The following ATP6V1H variants were observed in gnomAD, a reference collection of about 807,000 sequenced individuals.
ATP6V1H encodes V-type proton ATPase subunit H.
ATP6V1H carries 39 observed loss-of-function variants against 71.7 expected under a neutral mutation model. The ratio of observed to expected loss-of-function variants is 0.54; its 90% CI spans 0.42 to 0.71. ATP6V1H has a LOEUF of 0.71. ATP6V1H is among the 30% of genes least tolerant of loss of function. The pLI is 0.00. For missense variants in ATP6V1H, 509 were observed against 594.9 expected, an observed-to-expected ratio of 0.86 and a Z score of 1.50; for synonymous variants, 192 against 199.3, an observed-to-expected ratio of 0.96 and a Z score of 0.31.
chr8:53,804,423 C>T (rs565922503), intron 7 of ATP6V1H, among the ~76,000 whole-genome samples: 1 of 152,148 alleles, frequency 6.6e-6, no homozygotes, highest in Non-Finnish European at 1.5e-5. Context: ...ACCTGTAACC[C>T]CAGCACTTTC....
intron 2 of ATP6V1H, 75 bp from the exon 3 acceptor site, chr8:53,833,161 C>A: frequency 8.6e-7 from 1 of 1,157,558 alleles, no homozygotes. Context: ...ATTTTCAGTC[C>A]TTCTCTTCTC....
rs190027760 is a variant in ATP6V1H at position 53,802,550 on chromosome 8, A to C, written c.580-654T>G. 2.2e-3 allele frequency among the ~76,000 whole-genome samples: 338 copies of C among 151,852 alleles called. 2 individuals are homozygous for C. The highest frequency in any genetic ancestry group is 7.9e-3 in the African/African-American group (326 of 41,406). The stretch of plus-strand genomic sequence containing the variant: ...CCCGGGCAACCTGGTGAAACCCCAT[A>C]TCTACTAAAAATACAAAAAATTAGC... On this transcript the variant is annotated intron_variant, in intron 7 of 13. Transcript: ENST00000359530.
intron 6 of ATP6V1H, among the ~76,000 whole-genome samples, chr8:53,813,583 C>T (rs1331008081): frequency 1.3e-5 from 2 of 152,108 alleles, no homozygotes; most frequent in Admixed American, 6.5e-5. Flanking sequence ...CTCCCCTGTC[C>T]ACCTTCAGTT....
In ATP6V1H at chr8:53,730,041, T is replaced by C. The variant is rs75449307; in HGVS notation, c.1391+13536A>G. ...AGCTCAGCCTATGCCTCTAGAGCAA[T>C]CATGACAGGGTCTTGGGCAGGAAAA... On this transcript the variant is annotated intron_variant, in intron 13 of 13. Coordinates refer to ENST00000359530, the MANE Select transcript of ATP6V1H (RefSeq NM_015941.4). 4.1e-3 allele frequency among the ~76,000 whole-genome samples: 619 copies of C among 152,268 alleles called. 12 individuals carry two copies. The East Asian group carries it at 0.059, about 15-fold the overall frequency.
intron 13 of ATP6V1H, among the ~76,000 whole-genome samples, chr8:53,733,753 C>T (rs1022123853): frequency 1.3e-5 from 2 of 152,130 alleles, no homozygotes; most frequent in African/African-American, 4.8e-5. Context: ...TACCAAGTCA[C>T]AAAGGGAGGC....
chr8:53,810,310 TC>T (rs1345725936), intron 7 of ATP6V1H, among the ~76,000 whole-genome samples: 1 of 152,236 alleles, frequency 6.6e-6, no homozygotes, highest in African/African-American at 2.4e-5. Flanking sequence ...CCTGAGCTAT[TC>T]CTAGAGCACA....
intron 13 of ATP6V1H, among the ~76,000 whole-genome samples, chr8:53,737,321 C>A (rs1349663857): frequency 6.6e-6 from 1 of 152,218 alleles, no homozygotes; most frequent in African/African-American, 2.4e-5. Flanking sequence ...GTATTCCTGT[C>A]TGTAATTAGA....
chr8:53,811,252 G>C (rs1810265908), intron 6 of ATP6V1H, 35 bp from the exon 7 acceptor site: 2 of 1,590,856 alleles, frequency 1.3e-6, no homozygotes, highest in Non-Finnish European at 1.7e-6. Flanking sequence ...ATTTAGTTTT[G>C]TTTTGATTTT....
chr8:53,781,542 T>C (rs975670698), intron 9 of ATP6V1H, among the ~76,000 whole-genome samples: 1 of 152,266 alleles, frequency 6.6e-6, no homozygotes, highest in African/African-American at 2.4e-5. Flanking sequence ...TTCTTTAGTT[T>C]AATTAGACAC....
At chr8:53,831,357 G>A (rs1304287177) in intron 3 of ATP6V1H, among the ~76,000 whole-genome samples, 1 of 152,182 alleles carries the variant, frequency 6.6e-6, no homozygotes, top group Non-Finnish European at 1.5e-5. Context: ...ACAATAGTAA[G>A]TATGTGTGTG....
At chr8:53,813,266 G>C (rs955512158) in intron 6 of ATP6V1H, among the ~76,000 whole-genome samples, 2 of 152,094 alleles carry the variant, frequency 1.3e-5, no homozygotes, top group Non-Finnish European at 2.9e-5. Flanking sequence ...AAAAGATTTT[G>C]ATCAAGAAAC....
chr8:53,828,190 C>CT (rs1201196076), intron 4 of ATP6V1H, among the ~76,000 whole-genome samples: 1 of 152,156 alleles, frequency 6.6e-6, no homozygotes, highest in Non-Finnish European at 1.5e-5. Flanking sequence ...CACCACACTG[C>CT]TTTCCTCGAT....
chr8:53,801,976 G>T (rs893526657), intron 7 of ATP6V1H, 80 bp from the exon 8 acceptor site: 1 of 1,269,232 alleles, frequency 7.9e-7, no homozygotes, highest in African/African-American at 1.5e-5. Context: ...TAAATGAAAA[G>T]TCAGATTACC....
chr8:53,730,666 AAG>A (rs1344969090), intron 13 of ATP6V1H, among the ~76,000 whole-genome samples: 1 of 152,216 alleles, frequency 6.6e-6, no homozygotes, highest in African/African-American at 2.4e-5. Context: ...GCAGCTCAGA[AAG>A]AGAGAGAAAG....
intron 13 of ATP6V1H, among the ~76,000 whole-genome samples, chr8:53,724,319 G>GTA (rs1185673606): frequency 2.0e-5 from 3 of 152,122 alleles, no homozygotes; most frequent in Non-Finnish European, 4.4e-5. Flanking sequence ...TTATAATGTA[G>GTA]TACAGATGAG....
intron 11 of ATP6V1H, among the ~76,000 whole-genome samples, chr8:53,764,714 A>T (rs985205519): frequency 8.5e-5 from 13 of 152,200 alleles, no homozygotes; most frequent in South Asian, 6.2e-4. Flanking sequence ...AAAAGAAATA[A>T]TTACAGCAAA....
At chr8:53,768,046 G>C (rs892601523) in intron 11 of ATP6V1H, among the ~76,000 whole-genome samples, 23 of 152,108 alleles carry the variant, frequency 1.5e-4, no homozygotes, top group African/African-American at 5.3e-4. Context: ...ATATGATCTT[G>C]GACCTGTATC....
chr8:53,829,436 A>G lies in ATP6V1H; in HGVS notation c.306+8T>C. On this transcript the variant is annotated splice_region_variant and intron_variant, in intron 4 of 13. Transcript: ENST00000359530. ...TCACCAAATGTGTTAAGTAAAGAAT[A>G]TACCTACCTGCAGCATATCATCCAC... The G allele has an allele frequency of 3.1e-6, 5 of 1,587,596 alleles. No homozygotes were observed. The highest frequency in any genetic ancestry group is 4.3e-6 in the Non-Finnish European group (5 of 1,161,328).
At chr8:53,837,689 C>T (rs1263246793) in intron 2 of ATP6V1H, among the ~76,000 whole-genome samples, 8 of 152,074 alleles carry the variant, frequency 5.3e-5, no homozygotes. Context: ...AGCGAGGGGG[C>T]ATGATCAGAC....
Sources: allele counts gnomAD v4.1 joint callset (sites outside exome capture counted in the v4.1 genomes callset), GRCh38; gene constraint gnomAD v4.1.1; transcripts MANE v1.5; gene names NCBI Gene and HGNC (gene_info 2026-07-23, HGNC 2026-07-21).